Variants in GABRB1 observed in about 807,000 individuals in gnomAD.
The protein encoded by GABRB1 is gamma-aminobutyric acid receptor subunit beta-1.
Under a neutral mutation model 51.6 loss-of-function variants are expected in GABRB1, and 17 were observed. That is an observed-to-expected ratio of 0.33 (90% CI 0.23 to 0.49). The LOEUF is 0.49. GABRB1 is among the 20% of genes least tolerant of loss of function. GABRB1 has a pLI of 0.99. For missense variants in GABRB1, 410 were observed against 600.6 expected (o/e 0.68, Z 3.32); for synonymous variants, 247 against 218.9 (o/e 1.13, Z -1.14).
intron 1 of GABRB1, among the ~76,000 whole-genome samples, chr4:47,018,835 T>G (rs2109449057): frequency 6.6e-6 from 1 of 152,234 alleles, no homozygotes; most frequent in Middle Eastern, 3.4e-3. Flanking sequence ...AGGGTTTGAT[T>G]TTGTCATCTC....
At chr4:47,322,954 G>C (rs183442471) in intron 5 of GABRB1, among the ~76,000 whole-genome samples, 2 of 149,546 alleles carry the variant, frequency 1.3e-5, no homozygotes, top group African/African-American at 5.0e-5. Flanking sequence ...GTGTGACAGA[G>C]TGAGACTCCA....
intron 3 of GABRB1, among the ~76,000 whole-genome samples, chr4:47,096,222 C>T (rs986628208): frequency 2.0e-5 from 3 of 152,084 alleles, no homozygotes; most frequent in African/African-American, 7.2e-5. Context: ...GCTTTTAGGT[C>T]CTAGAAGTAT....
chr4:47,187,656 C>T (rs533221690), intron 4 of GABRB1, among the ~76,000 whole-genome samples: 25 of 151,960 alleles, frequency 1.6e-4, no homozygotes, highest in African/African-American at 5.3e-4. Context: ...GAAGTTAAAC[C>T]GTGTCACTCC....
intron 3 of GABRB1, among the ~76,000 whole-genome samples, chr4:47,035,345 G>A (rs1361468400): frequency 6.6e-6 from 1 of 152,018 alleles, no homozygotes; most frequent in Admixed American, 6.6e-5. Flanking sequence ...TCTTTACATA[G>A]TAAAGAATCT....
intron 4 of GABRB1, among the ~76,000 whole-genome samples, chr4:47,195,224 G>A (rs1323268024): frequency 2.6e-5 from 4 of 152,070 alleles, no homozygotes; most frequent in East Asian, 1.9e-4. Flanking sequence ...AAAATTAGCC[G>A]GGCATTGTGG....
chr4:47,003,464 T>C (rs1379797266), intron 1 of GABRB1, among the ~76,000 whole-genome samples: 1 of 152,252 alleles, frequency 6.6e-6, no homozygotes, highest in East Asian at 1.9e-4. Context: ...GGAAGTTCAT[T>C]GTTATTTAGG....
At chr4:47,147,250 A>G (rs759358361) in intron 3 of GABRB1, among the ~76,000 whole-genome samples, 16 of 151,312 alleles carry the variant, frequency 1.1e-4, no homozygotes, top group Non-Finnish European at 1.3e-4. Context: ...TTCATCTCCC[A>G]TATCCACAGC....
chr4:47,169,310 T>C (rs1227229011), intron 4 of GABRB1, among the ~76,000 whole-genome samples: 1 of 152,160 alleles, frequency 6.6e-6, no homozygotes, highest in Non-Finnish European at 1.5e-5. Flanking sequence ...GATAAATGCT[T>C]GACTGCTTCC....
At chr4:47,258,285 A>C (rs1417138755) in intron 4 of GABRB1, among the ~76,000 whole-genome samples, 2 of 152,174 alleles carry the variant, frequency 1.3e-5, no homozygotes, top group Admixed American at 6.6e-5. Context: ...AGTTCAGAAA[A>C]GGGTACTATC....
intron 3 of GABRB1, among the ~76,000 whole-genome samples, chr4:47,074,801 G>A (rs1727481484): frequency 6.6e-6 from 1 of 152,192 alleles, no homozygotes; most frequent in African/African-American, 2.4e-5. Context: ...TTACCGATAA[G>A]GTTGCAATTG....
intron 5 of GABRB1, among the ~76,000 whole-genome samples, chr4:47,392,403 C>T (rs1290058159): frequency 6.9e-6 from 1 of 144,952 alleles, no homozygotes; most frequent in African/African-American, 2.6e-5. Context: ...AGTGCAATGA[C>T]ACAATCTCGG....
At chr4:47,389,160 C>A (rs1727899418) in intron 5 of GABRB1, among the ~76,000 whole-genome samples, 1 of 152,180 alleles carries the variant, frequency 6.6e-6, no homozygotes, top group Admixed American at 6.5e-5. Context: ...GTTCCTCCCC[C>A]AGTTCCTCAT....
chr4:47,353,593 T>C (rs975740752), intron 5 of GABRB1, among the ~76,000 whole-genome samples: 7 of 152,222 alleles, frequency 4.6e-5, no homozygotes, highest in African/African-American at 1.4e-4. Flanking sequence ...CCTTTCTTAA[T>C]AGTAAAATGG....
At chr4:47,009,323 T>C (rs1724515459) in intron 1 of GABRB1, among the ~76,000 whole-genome samples, 1 of 151,750 alleles carries the variant, frequency 6.6e-6, no homozygotes, top group Non-Finnish European at 1.5e-5. Context: ...CCACACAAAA[T>C]ATATACCATT....
intron 1 of GABRB1, among the ~76,000 whole-genome samples, chr4:47,021,622 C>A (rs549840036): frequency 6.6e-6 from 1 of 152,094 alleles, no homozygotes; most frequent in Non-Finnish European, 1.5e-5. Context: ...GTTCCTTCTT[C>A]TTTCTGGGAG....
At chr4:47,030,737 A>C (rs975427787), upstream of GABRB1, among the ~76,000 whole-genome samples, 15 of 152,190 alleles carry the variant, frequency 9.9e-5, no homozygotes, top group African/African-American at 3.1e-4. Context: ...ACAGAGGTTA[A>C]ACTGTCTGGA....
At chr4:47,388,470 GT>G (rs1345849609) in intron 5 of GABRB1, among the ~76,000 whole-genome samples, 2 of 152,190 alleles carry the variant, frequency 1.3e-5, no homozygotes, top group Non-Finnish European at 2.9e-5. Context: ...CCTAGATCTG[GT>G]TGGAAGTAAT....
chr4:47,076,142 A>C (rs1434111132), intron 3 of GABRB1, among the ~76,000 whole-genome samples: 1 of 151,968 alleles, frequency 6.6e-6, no homozygotes, highest in Non-Finnish European at 1.5e-5. Flanking sequence ...AGACTGACTG[A>C]TTTCTTTGTT....
At chr4:47,325,726 G>A (rs1057189307) in intron 5 of GABRB1, among the ~76,000 whole-genome samples, 3 of 152,000 alleles carry the variant, frequency 2.0e-5, no homozygotes, top group African/African-American at 7.3e-5. Context: ...TCATCCTTCA[G>A]TCCTCACCTC....
Sources: gnomAD v4.1 joint callset for allele counts (sites outside exome capture counted in the v4.1 genomes callset) on GRCh38, gnomAD v4.1.1 for gene constraint, MANE v1.5 for transcripts, NCBI Gene and HGNC (gene_info 2026-07-23, HGNC 2026-07-21) for gene names.